Variants in TMPRSS11A observed in about 807,000 individuals in gnomAD.
The protein encoded by TMPRSS11A is transmembrane serine protease 11A.
Under a neutral mutation model 58.9 loss-of-function variants are expected in TMPRSS11A, and 53 were observed. That is an observed-to-expected ratio of 0.90 (90% CI 0.72 to 1.13). The LOEUF is 1.13. TMPRSS11A is among the 50% of genes most tolerant of loss of function. The probability of loss-of-function intolerance (pLI) is 0.00; values close to 1 mark genes in which losing one functional copy is unlikely to be tolerated. For synonymous variants in TMPRSS11A, 167 were observed against 169.8 expected (o/e 0.98, Z 0.13); for missense variants, 493 against 499.3 (o/e 0.99, Z 0.12).
chr4:67,918,625 A>C (rs945597508), intron 8 of TMPRSS11A, among the ~76,000 whole-genome samples: 1 of 152,162 alleles, frequency 6.6e-6, no homozygotes, highest in African/African-American at 2.4e-5. Flanking sequence ...CACTAGGTGA[A>C]GCTAGCATCC....
intron 5 of TMPRSS11A, among the ~76,000 whole-genome samples, chr4:67,926,587 T>C (rs353157): frequency 0.091 from 13,905 of 152,228 alleles, 787 homozygotes; most frequent in African/African-American, 0.16. Context: ...AGGCAGGACC[T>C]GCTCCCAGGC....
intron 4 of TMPRSS11A, among the ~76,000 whole-genome samples, chr4:67,930,784 A>C (rs1720593050): frequency 7.4e-6 from 1 of 135,612 alleles, no homozygotes. Context: ...CTTGAAACTA[A>C]TATATATTGA....
chr4:67,949,447 C>T (rs190550144), intron 1 of TMPRSS11A, among the ~76,000 whole-genome samples: 1 of 152,296 alleles, frequency 6.6e-6, no homozygotes, highest in East Asian at 1.9e-4. Context: ...ATGCGCACTG[C>T]CAGATTACAA....
intron 7 of TMPRSS11A, 66 bp from the exon 8 acceptor site, chr4:67,919,298 G>C: frequency 7.0e-7 from 1 of 1,428,256 alleles, no homozygotes. Flanking sequence ...TAGATTAATT[G>C]CATTTAGGCT....
chr4:67,920,486 T>C (rs1259887353), intron 7 of TMPRSS11A, among the ~76,000 whole-genome samples: 1 of 148,596 alleles, frequency 6.7e-6, no homozygotes, highest in Non-Finnish European at 1.5e-5. Flanking sequence ...AGAACCAATG[T>C]GGTAGGGCAT....
At chr4:67,938,882 G>C (rs563858781) in intron 3 of TMPRSS11A, among the ~76,000 whole-genome samples, 10 of 147,326 alleles carry the variant, frequency 6.8e-5, no homozygotes, top group African/African-American at 2.6e-4. Context: ...GGAGTCCTTT[G>C]GCTATTGGGG....
At chr4:67,949,251 C>T (rs867026008) in intron 1 of TMPRSS11A, among the ~76,000 whole-genome samples, 7 of 151,920 alleles carry the variant, frequency 4.6e-5, no homozygotes, top group Non-Finnish European at 8.8e-5. Context: ...GGAACTGAAC[C>T]GTGGGATCAG....
At chr4:67,914,878 T>C in intron 8 of TMPRSS11A, 148 bp from the exon 9 acceptor site, 2 of 582,768 alleles carry the variant, frequency 3.4e-6, no homozygotes, top group Admixed American at 7.3e-5. Flanking sequence ...AAAGAATTTC[T>C]GGTTAAATCT....
At position 67,951,337 on chromosome 4, in the gene TMPRSS11A, A is replaced by G. The variant is rs930231367; in HGVS notation, c.12-4766T>C. 2.0e-5 allele frequency among the ~76,000 whole-genome samples: 3 copies of G among 152,254 alleles called. No individual in the cohort carries two copies. In the East Asian group the frequency reaches 5.8e-4, roughly 29 times the overall value. Reference sequence around the variant, plus strand: ...TTCATTGAAGAATATATAAAGCAGTATGGATTGTTAATGATCAGAGCTGAG... The same window carrying G: ...TTCATTGAAGAATATATAAAGCAGTGTGGATTGTTAATGATCAGAGCTGAG... On this transcript the variant is annotated intron_variant, in intron 1 of 9. Transcript: ENST00000508048.
chr4:67,920,554 T>A (rs1172983928), intron 7 of TMPRSS11A, among the ~76,000 whole-genome samples: 763 of 145,596 alleles, frequency 5.2e-3, no homozygotes, highest in Non-Finnish European at 8.6e-3. Context: ...TATATATTTT[T>A]TTTTATATAT....
chr4:67,934,197 C>G (rs1720697965), intron 3 of TMPRSS11A, among the ~76,000 whole-genome samples: 1 of 152,130 alleles, frequency 6.6e-6, no homozygotes, highest in African/African-American at 2.4e-5. Flanking sequence ...TTAGGTGATA[C>G]AGGTAGTCTG....
At chr4:67,938,923 A>G (rs1007258123) in intron 3 of TMPRSS11A, among the ~76,000 whole-genome samples, 6 of 151,662 alleles carry the variant, frequency 4.0e-5, no homozygotes, top group Admixed American at 1.3e-4. Context: ...TGAAATTTAC[A>G]AAAGCTTTTT....
At chr4:67,961,606 G>A (rs1254470538) in intron 1 of TMPRSS11A, among the ~76,000 whole-genome samples, 2 of 143,220 alleles carry the variant, frequency 1.4e-5, no homozygotes, top group African/African-American at 5.4e-5. Flanking sequence ...CGACTCCCAA[G>A]TTGAAGTGAT....
rs986910198 is a variant in TMPRSS11A, at chr4:67,910,023, A to G, written c.*1319T>C. ...ATTTGTCTTATATTTGGGCTAAATG[A>G]GTAAATGACTCCCCAGCCTGCAGAC... On this transcript the variant is annotated 3_prime_UTR_variant, in exon 10 of 10. Coordinates refer to ENST00000508048, the MANE Select transcript of TMPRSS11A (RefSeq NM_001114387.2). 1 of 152,080 alleles carries G rather than the reference A, an allele frequency of 6.6e-6. No individual in the cohort carries two copies. The highest frequency in any genetic ancestry group is 2.4e-5 in the African/African-American group (1 of 41,438). The allele number at this position is 152,080 out of a possible 1,614,324, so 9.4% of individuals were successfully genotyped here.
At chr4:67,929,306 G>T (rs1027659016) in intron 5 of TMPRSS11A, among the ~76,000 whole-genome samples, 6 of 151,782 alleles carry the variant, frequency 4.0e-5, no homozygotes, top group Admixed American at 1.3e-4. Context: ...ATGGGCTAAG[G>T]GTGAACAAAA....
chr4:67,935,003 C>T (rs1577861484), intron 3 of TMPRSS11A, among the ~76,000 whole-genome samples: 1 of 152,028 alleles, frequency 6.6e-6, no homozygotes, highest in Non-Finnish European at 1.5e-5. Flanking sequence ...ATTAAAGAAA[C>T]CAAAACCATG....
intron 9 of TMPRSS11A, among the ~76,000 whole-genome samples, chr4:67,912,215 T>G (rs1719997583): frequency 6.6e-6 from 1 of 152,142 alleles, no homozygotes; most frequent in Non-Finnish European, 1.5e-5. Flanking sequence ...TAATGTTTAC[T>G]AATGTTCAAG....
intron 9 of TMPRSS11A, among the ~76,000 whole-genome samples, chr4:67,913,469 A>G (rs1720056095): frequency 6.6e-6 from 1 of 152,104 alleles, no homozygotes; most frequent in Non-Finnish European, 1.5e-5. Context: ...TTGTTTTATC[A>G]CTTACTTTGC....
chr4:67,930,344 G>A (rs772392831), intron 4 of TMPRSS11A, among the ~76,000 whole-genome samples: 5 of 152,070 alleles, frequency 3.3e-5, no homozygotes, highest in Non-Finnish European at 7.4e-5. Context: ...GTTTTCTTAG[G>A]CTAATCAATT....
Sources: gnomAD v4.1 joint callset for allele counts (sites outside exome capture counted in the v4.1 genomes callset) on GRCh38, gnomAD v4.1.1 for gene constraint, MANE v1.5 for transcripts, NCBI Gene and HGNC (gene_info 2026-07-23, HGNC 2026-07-21) for gene names.